Variants in CENPW observed in about 807,000 individuals in gnomAD.
The protein encoded by CENPW is cancer-up-regulated gene 2 protein.
In CENPW, 3 loss-of-function variants were observed where a neutral mutation model predicts 11.1. The ratio of observed to expected loss-of-function variants is 0.27; its 90% confidence interval spans 0.12 to 0.70. CENPW has a LOEUF of 0.70. CENPW is among the 30% of genes least tolerant of loss of function. CENPW has a pLI of 0.77. For missense variants in CENPW, 100 were observed against 105.6 expected (o/e 0.95, Z 0.23); for synonymous variants, 38 against 42.0 (o/e 0.91, Z 0.37).
At chr6:126,366,244 CTG>C in the CENPW span, among the ~76,000 whole-genome samples, 1 of 151,932 alleles carries the variant, frequency 6.6e-6, no homozygotes, top group East Asian at 1.9e-4. Context: ...AAATTTTACT[CTG>C]TAATTTTAAA....
chr6:126,397,648 G>A, the CENPW span, among the ~76,000 whole-genome samples: 3 of 152,022 alleles, frequency 2.0e-5, no homozygotes, highest in Non-Finnish European at 2.9e-5. Flanking sequence ...CCTCTATTCA[G>A]CCACCTTACT....
chr6:126,462,695 C>T, the CENPW span, among the ~76,000 whole-genome samples: 17 of 151,858 alleles, frequency 1.1e-4, no homozygotes, highest in African/African-American at 4.1e-4. Context: ...CTCTGCTACA[C>T]TCAAAATTAT....
At chr6:126,368,737 C>T in the CENPW span, among the ~76,000 whole-genome samples, 12 of 152,050 alleles carry the variant, frequency 7.9e-5, no homozygotes, top group East Asian at 1.9e-4. Flanking sequence ...CTCCGCCTCC[C>T]GGGTTCACGC....
At chr6:126,464,866 C>A in the CENPW span, among the ~76,000 whole-genome samples, 1 of 152,152 alleles carries the variant, frequency 6.6e-6, no homozygotes, top group Non-Finnish European at 1.5e-5. Context: ...TGTAGAGAAC[C>A]CTGACTAACA....
At chr6:126,419,858 G>A in the CENPW span, among the ~76,000 whole-genome samples, 1 of 152,026 alleles carries the variant, frequency 6.6e-6, no homozygotes, top group African/African-American at 2.4e-5. Context: ...GAATCCTAAT[G>A]ATTATATTGA....
chr6:126,461,899 A>G, the CENPW span, among the ~76,000 whole-genome samples: 1 of 151,976 alleles, frequency 6.6e-6, no homozygotes, highest in African/African-American at 2.4e-5. Flanking sequence ...AGTGGTAACA[A>G]TCCTGAATTA....
the CENPW span, among the ~76,000 whole-genome samples, chr6:126,359,771 T>C: frequency 1.5e-3 from 229 of 151,868 alleles, 1 homozygote; most frequent in South Asian, 0.011. Context: ...TTTTTTTTTT[T>C]ACATTTGCAT....
the CENPW span, among the ~76,000 whole-genome samples, chr6:126,459,247 T>C: frequency 5.3e-5 from 8 of 151,480 alleles, no homozygotes; most frequent in African/African-American, 1.5e-4. Flanking sequence ...AGAGAGTCTA[T>C]ATTTTAGACA....
the CENPW span, among the ~76,000 whole-genome samples, chr6:126,454,086 C>T: frequency 6.6e-6 from 1 of 151,282 alleles, no homozygotes; most frequent in African/African-American, 2.4e-5. Context: ...CTCTTAGAGC[C>T]CTACAAAGAG....
the CENPW span, among the ~76,000 whole-genome samples, chr6:126,366,755 A>G: frequency 3.3e-5 from 5 of 152,192 alleles, no homozygotes; most frequent in African/African-American, 1.2e-4. Flanking sequence ...TGGCTATTGC[A>G]GAATACCTGA....
At chr6:126,362,786 C>T in the CENPW span, among the ~76,000 whole-genome samples, 1 of 151,908 alleles carries the variant, frequency 6.6e-6, no homozygotes, top group Non-Finnish European at 1.5e-5. Flanking sequence ...CTATGATTTC[C>T]TGTAATTTCT....
At chr6:126,343,063 C>G (rs570875270) in intron 1 of CENPW, among the ~76,000 whole-genome samples, 1 of 152,248 alleles carries the variant, frequency 6.6e-6, no homozygotes, top group South Asian at 2.1e-4. Context: ...TTCAAAAGTG[C>G]TATGACAAAG....
the CENPW span, among the ~76,000 whole-genome samples, chr6:126,412,141 C>A: frequency 6.9e-6 from 1 of 143,908 alleles, no homozygotes; most frequent in Non-Finnish European, 1.5e-5. Context: ...CATGCACCAT[C>A]ATGCCTGGTT....
At chr6:126,379,989 A>G in the CENPW span, among the ~76,000 whole-genome samples, 3 of 152,188 alleles carry the variant, frequency 2.0e-5, no homozygotes, top group Non-Finnish European at 4.4e-5. Flanking sequence ...TTGGCAGCTG[A>G]TAAATTGAAT....
the CENPW span, among the ~76,000 whole-genome samples, chr6:126,477,511 T>G: frequency 2.3e-3 from 345 of 152,000 alleles, 2 homozygotes; most frequent in Non-Finnish European, 3.7e-3. Context: ...CAGCAAATAA[T>G]GTATTAATCT....
chr6:126,425,599 A>T, the CENPW span, among the ~76,000 whole-genome samples: 1 of 152,000 alleles, frequency 6.6e-6, no homozygotes, highest in Non-Finnish European at 1.5e-5. Context: ...ATTCAATAAG[A>T]GTAGTACTGC....
At chr6:126,402,031 A>T in the CENPW span, among the ~76,000 whole-genome samples, 5 of 152,012 alleles carry the variant, frequency 3.3e-5, no homozygotes, top group Non-Finnish European at 7.4e-5. Context: ...TTTTCAGGTT[A>T]GTTGATTGCC....
intron 1 of CENPW, among the ~76,000 whole-genome samples, chr6:126,341,536 C>T (rs1322975396): frequency 6.6e-6 from 1 of 152,070 alleles, no homozygotes; most frequent in Non-Finnish European, 1.5e-5. Context: ...ACACATTTTC[C>T]CCCAGAAAAG....
the CENPW span, among the ~76,000 whole-genome samples, chr6:126,430,014 A>T: frequency 6.6e-6 from 1 of 152,076 alleles, no homozygotes; most frequent in African/African-American, 2.4e-5. Context: ...ATGTCCTCAG[A>T]CTCCAAGGTT....
Sources: allele counts gnomAD v4.1 joint callset (sites outside exome capture counted in the v4.1 genomes callset), GRCh38; gene constraint gnomAD v4.1.1; transcripts MANE v1.5; gene names NCBI Gene and HGNC (gene_info 2026-07-23, HGNC 2026-07-21).